The following PKP4 variants were observed in gnomAD, a reference collection of about 807,000 sequenced individuals.
The protein encoded by PKP4 is plakophilin 4, also known as plakophilin-4.
A neutral mutation model predicts 145.1 loss-of-function variants in PKP4; 90 were observed. The observed-to-expected ratio is 0.62, with a 90% confidence interval of 0.52 to 0.74. PKP4 has a LOEUF of 0.74. Ranked by LOEUF, PKP4 falls within the 30% of genes least tolerant of loss-of-function variation. The pLI is 0.00. For synonymous variants in PKP4, 563 were observed against 577.2 expected, an observed-to-expected ratio of 0.98 and a Z score of 0.35; for missense variants, 1,340 against 1,482.7, an observed-to-expected ratio of 0.90 and a Z score of 1.58.
chr2:158,658,083 A>G, intron 11 of PKP4, 48 bp from the exon 12 acceptor site: 1 of 1,062,084 alleles, frequency 9.4e-7, no homozygotes, highest in South Asian at 1.4e-5. Flanking sequence ...TTTATTTCTA[A>G]AGCCACAGGA....
intron 8 of PKP4, among the ~76,000 whole-genome samples, chr2:158,633,692 A>G (rs1164928247): frequency 6.6e-6 from 1 of 152,256 alleles, no homozygotes; most frequent in Non-Finnish European, 1.5e-5. Flanking sequence ...TGATGGTTTT[A>G]ATTACTTACA....
At chr2:158,466,371 GATAA>G (rs1435851379) in intron 1 of PKP4, among the ~76,000 whole-genome samples, 5 of 152,074 alleles carry the variant, frequency 3.3e-5, no homozygotes, top group African/African-American at 1.2e-4. Flanking sequence ...CAACTTGCTA[GATAA>G]ATAATTCATT....
chr2:158,471,022 A>G (rs1443596448), intron 1 of PKP4, among the ~76,000 whole-genome samples: 2 of 152,190 alleles, frequency 1.3e-5, no homozygotes, highest in Non-Finnish European at 2.9e-5. Flanking sequence ...CTTGCTACAA[A>G]CACAGCTTCA....
chr2:158,476,372 C>T (rs985035508), intron 1 of PKP4, among the ~76,000 whole-genome samples: 3 of 152,064 alleles, frequency 2.0e-5, no homozygotes, highest in Admixed American at 1.3e-4. Flanking sequence ...TCACTCTTGC[C>T]CAGCCCGGAG....
intron 1 of PKP4, among the ~76,000 whole-genome samples, chr2:158,517,526 T>G (rs2042028665): frequency 6.6e-6 from 1 of 152,210 alleles, no homozygotes; most frequent in African/African-American, 2.4e-5. Context: ...AGGGTCTTAT[T>G]TATCTTTGTA....
At chr2:158,471,883 C>T (rs916976131) in intron 1 of PKP4, among the ~76,000 whole-genome samples, 4 of 152,148 alleles carry the variant, frequency 2.6e-5, no homozygotes, top group African/African-American at 9.7e-5. Context: ...TATTTGGTCT[C>T]ATTCTACTCA....
intron 1 of PKP4, among the ~76,000 whole-genome samples, chr2:158,526,092 C>G (rs1206377124): frequency 2.0e-5 from 3 of 151,414 alleles, no homozygotes; most frequent in Admixed American, 6.6e-5. Flanking sequence ...TGAAACTATT[C>G]CAATGAATAG....
intron 4 of PKP4, among the ~76,000 whole-genome samples, chr2:158,609,664 T>C (rs2050962561): frequency 6.6e-6 from 1 of 152,262 alleles, no homozygotes; most frequent in African/African-American, 2.4e-5. Flanking sequence ...GGATGTTATA[T>C]TCTGTTGAAA....
intron 3 of PKP4, among the ~76,000 whole-genome samples, chr2:158,582,754 T>C (rs2048440111): frequency 6.6e-6 from 1 of 152,210 alleles, no homozygotes; most frequent in African/African-American, 2.4e-5. Context: ...CTTTCTTCCA[T>C]TGTTAAATGG....
intron 19 of PKP4, 73 bp from the exon 20 acceptor site, chr2:158,676,666 G>C: frequency 1.9e-6 from 3 of 1,560,850 alleles, no homozygotes; most frequent in Non-Finnish European, 2.6e-6. Flanking sequence ...TTTCTGGAGA[G>C]GATTTTCCAC....
chr2:158,528,948 C>T (rs1056587693), intron 1 of PKP4, among the ~76,000 whole-genome samples: 4 of 152,194 alleles, frequency 2.6e-5, no homozygotes. Flanking sequence ...GGAACATTCA[C>T]ATCTGTTTAC....
At chr2:158,520,332 C>G (rs2042266231) in intron 1 of PKP4, among the ~76,000 whole-genome samples, 1 of 152,128 alleles carries the variant, frequency 6.6e-6, no homozygotes, top group Admixed American at 6.5e-5. Context: ...TTATATTTTG[C>G]AACTTTAACC....
chr2:158,619,310 A>G (rs570926754), intron 4 of PKP4, among the ~76,000 whole-genome samples: 52 of 152,360 alleles, frequency 3.4e-4, no homozygotes, highest in African/African-American at 1.1e-3. Context: ...GGGAAACCAT[A>G]TACAATCTTT....
chr2:158,664,883 C>T lies in PKP4; in HGVS notation c.2577+1438C>T, dbSNP rs376815034. ...CTCCCAGCACATAAGTATTTATAAA[C>T]ATTTATGTTGTAGAACAGCGTTCAC... On this transcript the variant is annotated intron_variant, in intron 15 of 21. Transcript: ENST00000389759. Among the ~76,000 whole-genome samples, 3 of 152,198 alleles carry T rather than the reference C, an allele frequency of 2.0e-5. No individual in the cohort carries two copies. In the South Asian group the frequency reaches 6.2e-4, roughly 31 times the overall value.
At chr2:158,665,189 G>A (rs1008107682) in intron 15 of PKP4, among the ~76,000 whole-genome samples, 6 of 152,162 alleles carry the variant, frequency 3.9e-5, no homozygotes, top group South Asian at 2.1e-4. Flanking sequence ...GAAGGGAGAC[G>A]GGCTGGGCTG....
chr2:158,677,874 TATC>T (rs2058142327), intron 20 of PKP4, among the ~76,000 whole-genome samples: 1 of 152,194 alleles, frequency 6.6e-6, no homozygotes, highest in African/African-American at 2.4e-5. Context: ...TGCCCTTCTG[TATC>T]TTCTTCGCTT....
At chr2:158,637,247 C>A (rs948585315) in intron 9 of PKP4, among the ~76,000 whole-genome samples, 13 of 152,052 alleles carry the variant, frequency 8.5e-5, no homozygotes, top group African/African-American at 2.9e-4. Context: ...TGATCCTTAC[C>A]CCTAAAACTT....
intron 2 of PKP4, among the ~76,000 whole-genome samples, chr2:158,540,605 A>C (rs1320019425): frequency 6.6e-6 from 1 of 152,160 alleles, no homozygotes; most frequent in Non-Finnish European, 1.5e-5. Context: ...ACACATTATG[A>C]ATATTCATTA....
At chr2:158,656,748 C>T (rs1341530166) in intron 11 of PKP4, among the ~76,000 whole-genome samples, 1 of 152,316 alleles carries the variant, frequency 6.6e-6, no homozygotes, top group Middle Eastern at 3.4e-3. Flanking sequence ...GGGCAGTCCT[C>T]ACGCAGTTTA....
Sources: gnomAD v4.1 joint callset for allele counts (sites outside exome capture counted in the v4.1 genomes callset) on GRCh38, gnomAD v4.1.1 for gene constraint, MANE v1.5 for transcripts, NCBI Gene and HGNC (gene_info 2026-07-23, HGNC 2026-07-21) for gene names.